WIPI2: variants seen among roughly 807,000 people sequenced by gnomAD.
WIPI2 encodes the protein WD repeat domain, phosphoinositide interacting 2.
Under a neutral mutation model 52.3 loss-of-function variants are expected in WIPI2, and 28 were observed. The ratio of observed to expected loss-of-function variants is 0.54; its 90% CI spans 0.40 to 0.73. WIPI2 has a LOEUF of 0.73. Among genes scored for constraint, WIPI2 ranks in the 30% least tolerant of loss-of-function variants. The probability of loss-of-function intolerance (pLI) is 0.00; values close to 1 mark genes in which losing one functional copy is unlikely to be tolerated. For missense variants in WIPI2, 506 were observed against 602.9 expected, an observed-to-expected ratio of 0.84 and a Z score of 1.68; for synonymous variants, 268 against 245.0, an observed-to-expected ratio of 1.09 and a Z score of -0.88.
rs1459721578 is a variant in WIPI2 at position 5,225,820 on chromosome 7, C to T, written c.741-3C>T. ...GCCCGCCCCAACCTGTGCGTCTCCC[C>T]AGGTGCGTGAGCATCTGCTCCCTGG... On this transcript the variant is annotated splice_region_variant and splice_polypyrimidine_tract_variant and intron_variant, in intron 8 of 12. Transcript: ENST00000288828. 3 of 1,609,828 alleles carry T rather than the reference C, an allele frequency of 1.9e-6. No homozygotes were observed. Among genetic ancestry groups the T allele is most frequent in the Non-Finnish European group, 2.5e-6 (3 of 1,178,548 alleles).
In WIPI2 at chr7:5,230,736, A is replaced by G. The variant is rs942681764; in HGVS notation, c.1253-99A>G. The G allele has an allele frequency of 2.5e-6, 2 of 785,616 alleles. No individual in the cohort carries two copies. Among genetic ancestry groups the G allele is most frequent in the Non-Finnish European group, 3.9e-6 (2 of 507,192 alleles). The allele number at this position is 785,616 out of a possible 1,614,324, so 48.7% of individuals were successfully genotyped here. A position where few individuals can be genotyped will look rare whatever the true frequency, so the allele number is the denominator to read the frequency against. ...TCTTAGTACAGGCTTCAGTTTATAA[A>G]TATACACCAGTGTTTCCAAAACACA... On this transcript the variant is annotated intron_variant, in intron 12 of 12. Coordinates refer to ENST00000288828, the MANE Select transcript of WIPI2 (RefSeq NM_015610.4). The surrounding 1 kb of genome is among the most constrained non-coding windows in gnomAD (Gnocchi z 4.8).
Position 5,216,650 on chromosome 7 carries a change from A to G in WIPI2, c.469A>G (p.Asn157Asp), listed in dbSNP as rs1782829966. ...VLHTIRETPP[N>D]PAGLCALSIN... ...GCATACGATCAGGGAGACGCCTCCA[A>G]ACCCTGCAGGTGAGCTAACTTGTGA... Residue 157 changes from asparagine to aspartate, a missense_variant, in exon 5 of 13, where the codon AAC becomes GAC. Physicochemically the swap from Asn to Asp is conservative, Grantham distance 23 (BLOSUM62 1). This residue lies in a region of WIPI2 where 237 missense variants were observed against 346.9 expected (regional missense o/e 0.68). Coordinates refer to ENST00000288828, the MANE Select transcript of WIPI2 (RefSeq NM_015610.4). 1.2e-6 allele frequency: 2 copies of G among 1,614,118 alleles called. No homozygotes were observed. Among genetic ancestry groups the G allele is most frequent in the Non-Finnish European group, 1.7e-6 (2 of 1,180,010 alleles).
chr7:5,217,443 C>CA (rs1271000012), intron 6 of WIPI2: 1 of 472,410 alleles, frequency 2.1e-6, no homozygotes, highest in Non-Finnish European at 3.9e-6. Context: ...GAGTTACAGT[C>CA]ATGCAACACC....
chr7:5,217,362 T>A, intron 6 of WIPI2, 175 bp downstream of exon 6: 1 of 674,600 alleles, frequency 1.5e-6, no homozygotes, highest in Non-Finnish European at 2.6e-6. Context: ...TGGAGTGCAG[T>A]GGTGCAGTCC....
In WIPI2 at chr7:5,193,358, G is replaced by A. The variant is rs906617860; in HGVS notation, c.128+187G>A. 1.8e-4 allele frequency: 255 copies of A among 1,394,256 alleles called. No individual in the cohort carries two copies. The highest frequency in any genetic ancestry group is 2.3e-4 in the Non-Finnish European group (242 of 1,071,694). 86.4% of individuals were successfully genotyped at this position (1,394,256 alleles called of 1,614,324 possible). The stretch of plus-strand genomic sequence containing the variant: ...CAGCTTGTGGGAAGTTAGTGATGTA[G>A]CAATGTCTGTTTTAAATGCCATGTC... On this transcript the variant is annotated intron_variant, in intron 2 of 12. Coordinates refer to ENST00000288828, the MANE Select transcript of WIPI2 (RefSeq NM_015610.4).
chr7:5,230,166 T>TA lies in WIPI2; in HGVS notation c.1252+429dup, dbSNP rs1354114656. ...CAGACTGGCCACCTCTCAGCCAAGA[T>TA]ACCACCCTGAAAAGTACTGCCAAGG... On this transcript the variant is annotated intron_variant, in intron 12 of 12. Coordinates refer to ENST00000288828, the MANE Select transcript of WIPI2 (RefSeq NM_015610.4). The surrounding 1 kb of genome is among the most constrained non-coding windows in gnomAD (Gnocchi z 4.8). 6.6e-6 allele frequency among the ~76,000 whole-genome samples: 1 copy of TA among 152,162 alleles called. No individual in the cohort carries two copies. The highest frequency in any genetic ancestry group is 1.5e-5 in the Non-Finnish European group (1 of 68,004).
intron 7 of WIPI2, among the ~76,000 whole-genome samples, chr7:5,221,946 C>G (rs1783152988): frequency 9.0e-6 from 1 of 110,784 alleles, no homozygotes; most frequent in Non-Finnish European, 1.7e-5. Flanking sequence ...CAAATCCAGG[C>G]TTTTATTTTT....
intron 1 of WIPI2, among the ~76,000 whole-genome samples, chr7:5,192,411 C>G (rs988959646): frequency 6.6e-6 from 1 of 152,178 alleles, no homozygotes; most frequent in African/African-American, 2.4e-5. Flanking sequence ...TTATTTCTAT[C>G]AGAATGAAAT....
chr7:5,208,255 G>A (rs940267365), intron 3 of WIPI2, among the ~76,000 whole-genome samples: 2 of 152,002 alleles, frequency 1.3e-5, no homozygotes, highest in Non-Finnish European at 2.9e-5. Context: ...TGCTTTTTAG[G>A]TTTGGTTGTT....
chr7:5,195,219 G>C (rs1384500352), intron 2 of WIPI2, among the ~76,000 whole-genome samples: 2 of 152,214 alleles, frequency 1.3e-5, no homozygotes, highest in Non-Finnish European at 2.9e-5. Flanking sequence ...AGGCACAGTG[G>C]CTCACGCCTG....
At chr7:5,228,515 C>G (rs1240906919) in intron 11 of WIPI2, among the ~76,000 whole-genome samples, 1 of 152,154 alleles carries the variant, frequency 6.6e-6, no homozygotes, top group African/African-American at 2.4e-5. Context: ...TGCTGGGAGG[C>G]CAGGCCTTCC....
At chr7:5,209,081 G>T (rs1782433796) in intron 3 of WIPI2, among the ~76,000 whole-genome samples, 1 of 97,776 alleles carries the variant, frequency 1.0e-5, no homozygotes, top group Non-Finnish European at 2.1e-5. Flanking sequence ...CTAATACTTT[G>T]GATTTTGACA....
intron 6 of WIPI2, 114 bp downstream of exon 6, chr7:5,217,301 T>C (rs1562400090): frequency 1.8e-6 from 2 of 1,104,740 alleles, no homozygotes; most frequent in Admixed American, 3.9e-5. Flanking sequence ...CGCTGCACTT[T>C]TTTGTTTGTT....
intron 3 of WIPI2, among the ~76,000 whole-genome samples, chr7:5,208,925 G>A (rs961823650): frequency 5.3e-5 from 8 of 151,426 alleles, no homozygotes; most frequent in African/African-American, 1.9e-4. Context: ...TTTGAGGGTT[G>A]ATACGTTAAT....
At chr7:5,224,956 C>G (rs1374926960) in intron 8 of WIPI2, among the ~76,000 whole-genome samples, 1 of 152,098 alleles carries the variant, frequency 6.6e-6, no homozygotes, top group Non-Finnish European at 1.5e-5. Context: ...GAGAACATTC[C>G]TAATTCATAC....
At chr7:5,202,417 T>C (rs1244268263) in intron 3 of WIPI2, among the ~76,000 whole-genome samples, 1 of 152,110 alleles carries the variant, frequency 6.6e-6, no homozygotes, top group Non-Finnish European at 1.5e-5. Flanking sequence ...AGAGTCTCGC[T>C]CTGTCACCCA....
intron 7 of WIPI2, among the ~76,000 whole-genome samples, chr7:5,220,683 C>G (rs938921790): frequency 7.9e-5 from 12 of 151,944 alleles, no homozygotes; most frequent in African/African-American, 2.7e-4. Context: ...GTTATGTTGC[C>G]CAGGCTGGTC....
At chr7:5,229,909 G>A (rs1444512558) in intron 12 of WIPI2, among the ~76,000 whole-genome samples, 171 bp downstream of exon 12, 1 of 151,336 alleles carries the variant, frequency 6.6e-6, no homozygotes, top group Non-Finnish European at 1.5e-5. Flanking sequence ...CTCTCTCAAG[G>A]CTGAATTCAG....
At chr7:5,199,739 G>C in intron 3 of WIPI2, 81 bp downstream of exon 3, 2 of 1,377,664 alleles carry the variant, frequency 1.5e-6, no homozygotes, top group Non-Finnish European at 2.0e-6. Context: ...CTAAAATTCA[G>C]ACGCTGTGGT....
Sources: gnomAD v4.1 joint callset for allele counts (sites outside exome capture counted in the v4.1 genomes callset) on GRCh38, gnomAD v4.1.1 for gene constraint, gnomAD v4.1.1 regional missense constraint, Gnocchi (gnomAD v3.1) non-coding constraint, MANE v1.5 for transcripts, NCBI Gene and HGNC (gene_info 2026-07-23, HGNC 2026-07-21) for gene names.